The following USP13 variants were observed in gnomAD, a reference collection of about 807,000 sequenced individuals.
USP13 encodes ubiquitin specific peptidase 13.
A neutral mutation model predicts 107.8 loss-of-function variants in USP13; 68 were observed. The observed-to-expected ratio is 0.63, with a 90% confidence interval of 0.52 to 0.77. The LOEUF (loss-of-function observed/expected upper bound fraction) is 0.77. Among genes scored for constraint, USP13 ranks in the 30% least tolerant of loss-of-function variants. The probability of loss-of-function intolerance (pLI) is 0.00; values close to 1 mark genes in which losing one functional copy is unlikely to be tolerated. For synonymous variants in USP13, 377 were observed against 389.5 expected (o/e 0.97, Z 0.38); for missense variants, 945 against 1,093.3 (o/e 0.86, Z 1.91).
chr3:179,763,886 C>G (rs868451715), intron 17 of USP13, 116 bp from the exon 18 acceptor site: 5 of 1,358,952 alleles, frequency 3.7e-6, no homozygotes, highest in Middle Eastern at 2.0e-4. Flanking sequence ...GCGCCTGGCC[C>G]AGACTGTCTT....
At position 179,742,509 on chromosome 3, in the gene USP13, T is replaced by C. The variant is rs1714240880; in HGVS notation, c.1534+159T>C. 6.6e-6 allele frequency among the ~76,000 whole-genome samples: 1 copy of C among 152,242 alleles called. No homozygotes were observed. The highest frequency in any genetic ancestry group is 2.1e-4 in the South Asian group (1 of 4,838). ...CTTTTCATCTCTTTGTTAGTTCCCA[T>C]GTGACTTTTCCTTTGAGAAGAATCA... On this transcript the variant is annotated intron_variant, in intron 12 of 20. Transcript: ENST00000263966. This position sits in a 1 kb window ranked among gnomAD's most constrained non-coding sequence, Gnocchi z 5.0.
chr3:179,741,701 T>G (rs904039971), intron 11 of USP13, among the ~76,000 whole-genome samples: 1 of 152,216 alleles, frequency 6.6e-6, no homozygotes. Context: ...CCCATCACTT[T>G]CCAGGTCTTA....
At chr3:179,718,776 T>G (rs1417828599) in intron 6 of USP13, among the ~76,000 whole-genome samples, 1 of 152,044 alleles carries the variant, frequency 6.6e-6, no homozygotes, top group Non-Finnish European at 1.5e-5. Context: ...CTTTTCTTTT[T>G]TTTTTGAGAT....
chr3:179,770,284 G>A (rs145538057), intron 19 of USP13, among the ~76,000 whole-genome samples: 51 of 152,046 alleles, frequency 3.4e-4, no homozygotes, highest in African/African-American at 1.0e-3. Flanking sequence ...TGATTTATTC[G>A]CCCCTTTTCT....
intron 1 of USP13, among the ~76,000 whole-genome samples, chr3:179,657,775 A>AG (rs2108429488): frequency 6.7e-6 from 1 of 150,272 alleles, no homozygotes; most frequent in East Asian, 2.0e-4. Flanking sequence ...AAAAAAAAAA[A>AG]AAAAAAAAAA....
chr3:179,680,173 A>AAACAACAACAACAACAACAACAAC (rs56274945), intron 1 of USP13, among the ~76,000 whole-genome samples: 4 of 150,304 alleles, frequency 2.7e-5, no homozygotes, highest in East Asian at 3.9e-4. Flanking sequence ...ACGCTGTTGA[A>AAACAACAACAACAACAACAACAAC]AACAACAACA....
chr3:179,757,018 G>A (rs1714830708), intron 15 of USP13, 34 bp from the exon 16 acceptor site: 9 of 1,611,928 alleles, frequency 5.6e-6, no homozygotes, highest in African/African-American at 1.3e-5. Flanking sequence ...AACATGGTTT[G>A]GTCTCATTTT....
rs766061134 is a variant in USP13 at position 179,653,250 on chromosome 3, G to C, written c.25G>C (p.Gly9Arg). 40 of 1,555,252 alleles carry C rather than the reference G, an allele frequency of 2.6e-5. No homozygotes were observed. Among genetic ancestry groups the C allele is most frequent in the Non-Finnish European group, 3.1e-5 (36 of 1,150,480 alleles). ...CATGCAGCGCCGGGGCGCCCTGTTC[G>C]GCATGCCGGGCGGCAGCGGAGGCAG... MQRRGALFGMPGGSGGRKM... is the reference protein window; with the variant it reads MQRRGALFRMPGGSGGRKM... Residue 9 changes from glycine to arginine, a missense_variant, in exon 1 of 21, where the codon GGC becomes CGC. By Grantham distance (125) the Gly-to-Arg change is moderately radical. Transcript: ENST00000263966. The surrounding 1 kb of genome is among the most constrained non-coding windows in gnomAD (Gnocchi z 4.0).
chr3:179,653,780 C>G lies in USP13; in HGVS notation c.168+387C>G, dbSNP rs1720168518. The G allele has an allele frequency of 5.4e-6, 1 of 183,636 alleles. No homozygotes were observed. The highest frequency in any genetic ancestry group is 1.3e-4 in the South Asian group (1 of 7,608). 11.4% of individuals were successfully genotyped at this position (183,636 alleles called of 1,614,324 possible). On this transcript the variant is annotated intron_variant, in intron 1 of 20. Coordinates refer to ENST00000263966, the MANE Select transcript of USP13 (RefSeq NM_003940.3). The surrounding 1 kb of genome is among the most constrained non-coding windows in gnomAD (Gnocchi z 4.0). ...GTGGACGGGATGATCCCCCCACACC[C>G]CGGGACACACACAGCCCTTCTTTTT...
chr3:179,769,743 A>G (rs1715288334), intron 19 of USP13, among the ~76,000 whole-genome samples: 1 of 152,148 alleles, frequency 6.6e-6, no homozygotes, highest in African/African-American at 2.4e-5. Flanking sequence ...AATTCAATTC[A>G]CAGAAGTACA....
In USP13 at chr3:179,784,501, A is replaced by C. The variant is rs1715860332; in HGVS notation, c.*360A>C. The stretch of plus-strand genomic sequence containing the variant: ...GGGGGTCAGTGATAGTGGCCTCTGG[A>C]GAAACCAAATAATGTGGCCAGTGGT... On this transcript the variant is annotated 3_prime_UTR_variant, in exon 21 of 21. Coordinates refer to ENST00000263966, the MANE Select transcript of USP13 (RefSeq NM_003940.3). 3 of 172,874 alleles carry C rather than the reference A, an allele frequency of 1.7e-5. 1 individual carries two copies. The Admixed American group carries it at 1.8e-4, about 10-fold the overall frequency. 10.7% of individuals were successfully genotyped at this position (172,874 alleles called of 1,614,324 possible).
rs1290920426 is a variant in USP13, at chr3:179,653,194, C to T, written c.-32C>T. 4 of 1,315,764 alleles carry T rather than the reference C, an allele frequency of 3.0e-6. No individual in the cohort carries two copies. The highest frequency in any genetic ancestry group is 3.2e-5 in the Admixed American group (1 of 31,316). 81.5% of individuals were successfully genotyped at this position (1,315,764 alleles called of 1,614,324 possible). ...CAGACCCCGCGCTCCGGCTCCGGCT[C>T]GGCTCGCTCGGCTCCGGTGCGCGCC... On this transcript the variant is annotated 5_prime_UTR_variant, in exon 1 of 21. Transcript: ENST00000263966. The surrounding 1 kb of genome is among the most constrained non-coding windows in gnomAD (Gnocchi z 4.0).
At position 179,764,040 on chromosome 3, in the gene USP13, G is replaced by T. The variant is rs765899201; in HGVS notation, c.2131G>T (p.Ala711Ser). 2 of 1,613,902 alleles carry T rather than the reference G, an allele frequency of 1.2e-6. No individual in the cohort carries two copies. The highest frequency in any genetic ancestry group is 2.2e-5 in the East Asian group (1 of 44,884). The change falls in exon 18 of 21, where the codon GCA becomes TCA. Residue 711 changes from alanine to serine, a missense_variant. Coordinates refer to ENST00000263966, the MANE Select transcript of USP13 (RefSeq NM_003940.3). The stretch of plus-strand genomic sequence containing the variant: ...GCTGACCATGCCTGGTTATGGAGGG[G>T]CAGCTTCTGCTGGAGCCTCTGTTTT... Reference protein sequence around the residue: ...EPLTMPGYGGAASAGASVFGA... With the variant: ...EPLTMPGYGGSASAGASVFGA...
chr3:179,701,926 C>T (rs912455191), intron 4 of USP13, among the ~76,000 whole-genome samples: 11 of 152,162 alleles, frequency 7.2e-5, no homozygotes, highest in African/African-American at 2.7e-4. Context: ...CCTGTGGGGA[C>T]CCTGTTTTTC....
intron 1 of USP13, among the ~76,000 whole-genome samples, chr3:179,679,794 GTTTTTTTT>G (rs57620088): frequency 5.1e-5 from 5 of 97,434 alleles, no homozygotes; most frequent in Non-Finnish European, 8.0e-5. Flanking sequence ...CCTATCCTTA[GTTTTTTTT>G]TTTTTTTTTT....
At chr3:179,731,857 G>A (rs1393772894) in intron 10 of USP13, among the ~76,000 whole-genome samples, 1 of 152,152 alleles carries the variant, frequency 6.6e-6, no homozygotes, top group Non-Finnish European at 1.5e-5. Flanking sequence ...GGCTCGTTCA[G>A]TTCTGTGTCT....
At chr3:179,699,316 A>G (rs541735079) in intron 3 of USP13, among the ~76,000 whole-genome samples, 1 of 152,320 alleles carries the variant, frequency 6.6e-6, no homozygotes, top group African/African-American at 2.4e-5. Context: ...CTTCTTTAAT[A>G]TTACATTTTG....
intron 1 of USP13, among the ~76,000 whole-genome samples, chr3:179,681,454 G>A (rs1711649714): frequency 6.6e-6 from 1 of 152,182 alleles, no homozygotes; most frequent in African/African-American, 2.4e-5. Context: ...GGTTACAAAT[G>A]TAGTTACAAA....
At chr3:179,699,747 T>TTTATTTTA (rs375589534) in intron 3 of USP13, among the ~76,000 whole-genome samples, 3 of 138,036 alleles carry the variant, frequency 2.2e-5, no homozygotes, top group African/African-American at 8.2e-5. Context: ...ATCTTATTTA[T>TTTATTTTA]TTTATTTATT....
Sources: gnomAD v4.1 joint callset for allele counts (sites outside exome capture counted in the v4.1 genomes callset) on GRCh38, gnomAD v4.1.1 for gene constraint, Gnocchi (gnomAD v3.1) non-coding constraint, MANE v1.5 for transcripts, NCBI Gene and HGNC (gene_info 2026-07-23, HGNC 2026-07-21) for gene names.